FCER1A: variants seen among roughly 807,000 people sequenced by gnomAD.
The protein encoded by FCER1A is high affinity immunoglobulin epsilon receptor subunit alpha.
FCER1A carries 24 observed loss-of-function variants against 23.6 expected under a neutral mutation model. The observed-to-expected ratio is 1.02, with a 90% CI of 0.74 to 1.43. FCER1A has a LOEUF of 1.43. Among genes scored for constraint, FCER1A ranks in the 40% most tolerant of loss-of-function variants. The pLI is 0.00. For missense variants in FCER1A, 318 were observed against 294.5 expected (o/e 1.08, Z -0.58); for synonymous variants, 121 against 108.8 (o/e 1.11, Z -0.70).
Position 159,308,001 on chromosome 1 carries a change from A to T in FCER1A, c.*69A>T. 1 of 1,170,188 alleles carries T rather than the reference A, an allele frequency of 8.5e-7. No individual in the cohort carries two copies. Among genetic ancestry groups the T allele is most frequent in the Admixed American group, 2.1e-5 (1 of 48,518 alleles). The allele number at this position is 1,170,188 out of a possible 1,614,324, so 72.5% of individuals were successfully genotyped here. A position where few individuals can be genotyped will look rare whatever the true frequency, so the allele number is the denominator to read the frequency against. ...CATCAGCAATTGCTACTCAATTGTC[A>T]AACACAGCTTGCAATATACATAGAA... is the stretch of plus-strand genomic sequence containing the variant. On this transcript the variant is annotated 3_prime_UTR_variant, in exon 5 of 5. Coordinates refer to ENST00000693622, the MANE Select transcript of FCER1A (RefSeq NM_001387280.1).
At chr1:159,283,927 C>G in the FCER1A span, among the ~76,000 whole-genome samples, 2 of 152,054 alleles carry the variant, frequency 1.3e-5, no homozygotes, top group Non-Finnish European at 2.9e-5. Context: ...AGGCTGGTCT[C>G]AAGAATTTCA....
At position 159,307,898 on chromosome 1, in the gene FCER1A, A is replaced by G. The variant is rs758438640; in HGVS notation, c.740A>G (p.Asn247Ser). The G allele has an allele frequency of 6.2e-7, 1 of 1,611,964 alleles. No individual in the cohort carries two copies. Among genetic ancestry groups the G allele is most frequent in the Non-Finnish European group, 8.5e-7 (1 of 1,178,458 alleles). ...ACCAGGAAAGGCTTCAGACTTCTGAACCCACATCCTAAGCCAAACCCCAAA... is the reference window on the plus strand; with the variant it reads ...ACCAGGAAAGGCTTCAGACTTCTGAGCCCACATCCTAAGCCAAACCCCAAA... ...KRTRKGFRLLNPHPKPNPKNN is the reference protein window; with the variant it reads ...KRTRKGFRLLSPHPKPNPKNN The change falls in exon 5 of 5, where the codon AAC (asparagine) becomes AGC (serine). Residue 247 changes from asparagine (N) to serine (S), a missense_variant. By Grantham distance (46) the Asn-to-Ser change is conservative. Coordinates refer to ENST00000693622, the MANE Select transcript of FCER1A (RefSeq NM_001387280.1).
upstream of FCER1A, among the ~76,000 whole-genome samples, chr1:159,300,676 T>C (rs1410044291): frequency 6.6e-6 from 1 of 152,226 alleles, no homozygotes; most frequent in East Asian, 1.9e-4. Context: ...CCAGTCAAAA[T>C]TCATATTTCT....
upstream of FCER1A, among the ~76,000 whole-genome samples, chr1:159,299,546 A>G (rs367937567): frequency 6.6e-6 from 1 of 152,208 alleles, no homozygotes; most frequent in East Asian, 1.9e-4. Context: ...AAAATGAAAT[A>G]TAGATTAAGG....
chr1:159,302,825 A>G (rs529137742), intron 1 of FCER1A, 29 bp from the exon 2 acceptor site: 2 of 1,610,188 alleles, frequency 1.2e-6, no homozygotes, highest in African/African-American at 2.7e-5. Context: ...ACTGCTGGAC[A>G]CTAATGTATC....
At chr1:159,300,814 A>G (rs1031431342), upstream of FCER1A, among the ~76,000 whole-genome samples, 2 of 152,178 alleles carry the variant, frequency 1.3e-5, no homozygotes, top group Non-Finnish European at 2.9e-5. Flanking sequence ...TCATAATATA[A>G]CCATGACCTG....
At chr1:159,287,968 C>T (rs573668034), upstream of FCER1A, among the ~76,000 whole-genome samples, 9 of 151,962 alleles carry the variant, frequency 5.9e-5, no homozygotes, top group South Asian at 1.0e-3. Flanking sequence ...GAGCAGTGAA[C>T]TAAACTAATA....
chr1:159,299,626 C>A (rs1035943561), upstream of FCER1A, among the ~76,000 whole-genome samples: 1 of 152,114 alleles, frequency 6.6e-6, no homozygotes, highest in Admixed American at 6.6e-5. Context: ...CATTCCTGTA[C>A]CCAGAATCAG....
At chr1:159,296,891 C>A (rs976614756) in intron 1 of FCER1A, among the ~76,000 whole-genome samples, 1 of 152,130 alleles carries the variant, frequency 6.6e-6, no homozygotes, top group African/African-American at 2.4e-5. Context: ...TCCCACTGTT[C>A]CCATCCTCAC....
intron 1 of FCER1A, among the ~76,000 whole-genome samples, chr1:159,294,818 A>T (rs1652253584): frequency 6.6e-6 from 1 of 152,216 alleles, no homozygotes; most frequent in Non-Finnish European, 1.5e-5. Context: ...TTATTTGTCC[A>T]TAATAATTCA....
intron 1 of FCER1A, among the ~76,000 whole-genome samples, chr1:159,293,168 CTG>C (rs10632832): frequency 0.32 from 46,958 of 145,444 alleles, 7,227 homozygotes; most frequent in Middle Eastern, 0.4. Context: ...TACATACACA[CTG>C]TGTGTGTGTG....
At chr1:159,285,177 G>A (rs1651984637), upstream of FCER1A, among the ~76,000 whole-genome samples, 1 of 152,196 alleles carries the variant, frequency 6.6e-6, no homozygotes, top group Non-Finnish European at 1.5e-5. Flanking sequence ...CCAGAGGACA[G>A]ATGCCAGTAG....
upstream of FCER1A, among the ~76,000 whole-genome samples, chr1:159,288,452 C>T (rs1294763828): frequency 7.0e-6 from 1 of 143,792 alleles, no homozygotes; most frequent in East Asian, 1.9e-4. Context: ...GGTTTTGTGA[C>T]ACTACTATCT....
Position 159,302,430 on chromosome 1 carries a change from AT to A in FCER1A, c.55+13del, listed in dbSNP as rs1281955001. ...CCTTACTGTTCTTCGGTAAGTAGAG[AT>A]TCAATTACCCCTCCCAGGGAGGCCC... On this transcript the variant is annotated intron_variant, in intron 1 of 4. Coordinates refer to ENST00000693622, the MANE Select transcript of FCER1A (RefSeq NM_001387280.1). 1.9e-6 allele frequency: 3 copies of A among 1,583,474 alleles called. No individual in the cohort carries two copies. Among genetic ancestry groups the A allele is most frequent in the Non-Finnish European group, 2.6e-6 (3 of 1,152,094 alleles).
upstream of FCER1A, chr1:159,302,243 C>A: frequency 4.1e-6 from 3 of 739,316 alleles, no homozygotes; most frequent in South Asian, 4.8e-5. Flanking sequence ...CAAAACCAGG[C>A]ACAGCTGATG....
At chr1:159,294,658 TG>T (rs1325084062) in intron 1 of FCER1A, among the ~76,000 whole-genome samples, 4 of 152,174 alleles carry the variant, frequency 2.6e-5, no homozygotes, top group Non-Finnish European at 4.4e-5. Context: ...CACCAGCAAA[TG>T]ACAGAGTGCT....
In FCER1A at chr1:159,307,846, G is replaced by A. The variant is rs904455516; in HGVS notation, c.688G>A (p.Val230Ile). 6.2e-7 allele frequency: 1 copy of A among 1,613,412 alleles called. No individual in the cohort carries two copies. Among genetic ancestry groups the A allele is most frequent in the African/African-American group, 1.3e-5 (1 of 74,908 alleles). ...ATTATTTATCTCAACTCAGCAGCAGGTCACATTTCTCTTGAAGATTAAGAG... is the reference window on the plus strand; with the variant it reads ...ATTATTTATCTCAACTCAGCAGCAGATCACATTTCTCTTGAAGATTAAGAG... Reference protein sequence around the residue: ...TGLFISTQQQVTFLLKIKRTR... With the variant: ...TGLFISTQQQITFLLKIKRTR... Residue 230 changes from valine to isoleucine, a missense_variant, in exon 5 of 5, where the codon GTC (valine) becomes ATC (isoleucine). By Grantham distance (29) the Val-to-Ile change is conservative (BLOSUM62 3). Coordinates refer to ENST00000693622, the MANE Select transcript of FCER1A (RefSeq NM_001387280.1).
upstream of FCER1A, among the ~76,000 whole-genome samples, chr1:159,286,570 G>A (rs1652025540): frequency 2.6e-5 from 4 of 152,144 alleles, no homozygotes; most frequent in South Asian, 2.1e-4. Flanking sequence ...CTGACCTTGT[G>A]ATCCGCCCGC....
chr1:159,284,995 C>T (rs756653918), upstream of FCER1A, among the ~76,000 whole-genome samples: 36 of 152,108 alleles, frequency 2.4e-4, no homozygotes, highest in Non-Finnish European at 4.6e-4. Flanking sequence ...GATTGTAACT[C>T]GTTAAAAGTT....
Sources: gnomAD v4.1 joint callset for allele counts (sites outside exome capture counted in the v4.1 genomes callset) on GRCh38, gnomAD v4.1.1 for gene constraint, MANE v1.5 for transcripts, NCBI Gene and HGNC (gene_info 2026-07-23, HGNC 2026-07-21) for gene names.